Variants in IQGAP2 observed in about 807,000 individuals in gnomAD.
IQGAP2 encodes ras GTPase-activating-like protein IQGAP2.
A neutral mutation model predicts 201.3 loss-of-function variants in IQGAP2; 173 were observed. The ratio of observed to expected loss-of-function variants is 0.86; its 90% CI spans 0.76 to 0.98. The LOEUF (loss-of-function observed/expected upper bound fraction) is 0.98, where lower values mean the gene tolerates loss of function less well. Among genes scored for constraint, IQGAP2 ranks in the 50% least tolerant of loss-of-function variants. IQGAP2 has a pLI of 0.00. For missense variants in IQGAP2, 1,687 were observed against 1,864.8 expected, an observed-to-expected ratio of 0.90 and a Z score of 1.76; for synonymous variants, 675 against 673.9, an observed-to-expected ratio of 1.00 and a Z score of -0.03.
rs545584812 is a variant in IQGAP2 at position 76,536,065 on chromosome 5, C to CTTTTTTT, written c.147-26320_147-26314dup. Among the ~76,000 whole-genome samples, 9 of 123,740 alleles carry CTTTTTTT rather than the reference C, an allele frequency of 7.3e-5. 1 individual carries two copies. Among genetic ancestry groups the CTTTTTTT allele is most frequent in the South Asian group, 5.3e-4 (2 of 3,780 alleles). The allele number at this position is 123,740 out of a possible 152,430, so 81.2% of individuals were successfully genotyped here. On this transcript the variant is annotated intron_variant, in intron 2 of 35. Transcript: ENST00000274364. ...TTACCTGGCTTTCCAGGAGCATATT[C>CTTTTTTT]TTTTTTTTTTTTTTTTTGAGATGGC...
chr5:76,479,979 A>C (rs1755677052), intron 2 of IQGAP2, among the ~76,000 whole-genome samples: 1 of 152,094 alleles, frequency 6.6e-6, no homozygotes, highest in Admixed American at 6.6e-5. Context: ...ATGATGACAA[A>C]GAACAAAGGA....
At chr5:76,675,291 T>G (rs1228538391) in intron 27 of IQGAP2, among the ~76,000 whole-genome samples, 1 of 152,160 alleles carries the variant, frequency 6.6e-6, no homozygotes, top group Admixed American at 6.5e-5. Context: ...AATTTCAAAC[T>G]TGAGTATGCA....
At chr5:76,524,252 C>A (rs1371693471) in intron 2 of IQGAP2, among the ~76,000 whole-genome samples, 1 of 152,212 alleles carries the variant, frequency 6.6e-6, no homozygotes, top group African/African-American at 2.4e-5. Flanking sequence ...AGAAGCCTCA[C>A]TTCTGACCTG....
intron 23 of IQGAP2, 67 bp from the exon 24 acceptor site, chr5:76,671,689 GAAA>G (rs34357630): frequency 0.021 from 16,735 of 796,222 alleles, 1 homozygote; most frequent in Non-Finnish European, 0.022. Flanking sequence ...CTGTCTCGGG[GAAA>G]AAAAAAAAAA....
At chr5:76,703,159 G>T (rs1747567033) in intron 35 of IQGAP2, among the ~76,000 whole-genome samples, 1 of 137,930 alleles carries the variant, frequency 7.3e-6, no homozygotes, top group Non-Finnish European at 1.6e-5. Context: ...GGGGGAGGGG[G>T]TGGGGGGGGG....
chr5:76,557,965 C>G (rs1042076047), intron 2 of IQGAP2, among the ~76,000 whole-genome samples: 2 of 152,058 alleles, frequency 1.3e-5, no homozygotes, highest in African/African-American at 4.8e-5. Context: ...CATTACGATG[C>G]CTGGCTAATT....
At chr5:76,409,241 C>CTTT (rs35574851) in intron 1 of IQGAP2, among the ~76,000 whole-genome samples, 2,798 of 79,408 alleles carry the variant, frequency 0.035, 209 homozygotes, top group Non-Finnish European at 0.04. Context: ...AATACATGGG[C>CTTT]TTTTTTTTTT....
intron 2 of IQGAP2, among the ~76,000 whole-genome samples, chr5:76,482,607 A>G (rs1755853695): frequency 6.6e-6 from 1 of 152,258 alleles, no homozygotes; most frequent in Non-Finnish European, 1.5e-5. Context: ...TATAAAGGCC[A>G]GGAAGGATGT....
In IQGAP2 at chr5:76,658,433, A is replaced by G. The variant is rs769834351; in HGVS notation, c.2321-26A>G. ...TAATCATTCCAAGCTTTCCTAATTA[A>G]AGTATACCTGTTCCTGTCACTGCAG... On this transcript the variant is annotated intron_variant, in intron 20 of 35. Transcript: ENST00000274364. The G allele has an allele frequency of 5.8e-6, 9 of 1,559,636 alleles. No individual in the cohort carries two copies. In the South Asian group the frequency reaches 1.0e-4, roughly 17 times the overall value.
At chr5:76,520,052 CT>C (rs566384574) in intron 2 of IQGAP2, among the ~76,000 whole-genome samples, 102 of 145,458 alleles carry the variant, frequency 7.0e-4, no homozygotes, top group African/African-American at 1.8e-3. Flanking sequence ...TCCAATTTAT[CT>C]TTTTTTTTTT....
intron 2 of IQGAP2, among the ~76,000 whole-genome samples, chr5:76,498,452 G>A (rs1757104946): frequency 6.6e-6 from 1 of 152,174 alleles, no homozygotes; most frequent in Admixed American, 6.5e-5. Flanking sequence ...GACAGAAACA[G>A]AGCCAAGCCC....
intron 30 of IQGAP2, among the ~76,000 whole-genome samples, chr5:76,691,103 G>A (rs1026973705): frequency 4.6e-5 from 7 of 152,166 alleles, no homozygotes; most frequent in African/African-American, 1.2e-4. Flanking sequence ...GTCCGTCCCC[G>A]TCGTCCTTAA....
chr5:76,510,709 C>T, intron 2 of IQGAP2: 1 of 532,432 alleles, frequency 1.9e-6, no homozygotes, highest in South Asian at 1.4e-5. Context: ...CCAAGCTTGT[C>T]CATTTCACCC....
intron 2 of IQGAP2, among the ~76,000 whole-genome samples, chr5:76,484,321 CA>C (rs1001110097): frequency 4.1e-4 from 63 of 152,158 alleles, no homozygotes; most frequent in African/African-American, 1.3e-3. Context: ...GTCCAGCTGC[CA>C]TTGCAGATGT....
chr5:76,416,332 T>C (rs145669675), intron 1 of IQGAP2, among the ~76,000 whole-genome samples: 259 of 152,298 alleles, frequency 1.7e-3, no homozygotes, highest in Non-Finnish European at 2.7e-3. Context: ...CAAAACAAGA[T>C]AGATTAGTCT....
chr5:76,677,305 A>G lies in IQGAP2; in HGVS notation c.3615A>G (p.Lys1205=). The change falls in exon 28 of 36, where the codon AAA becomes AAG. Residue 1205 remains lysine, a synonymous_variant. Transcript: ENST00000274364. The part of the protein sequence containing the change: ...DKYTDLVTVS[K]PVIYISIEEI... The stretch of plus-strand genomic sequence containing the variant: ...ACACAGACCTGGTGACAGTCAGCAA[A>G]CCAGTCATTTATATTTCAATTGAAG... The G allele has an allele frequency of 6.2e-7, 1 of 1,613,898 alleles. No homozygotes were observed. Among genetic ancestry groups the G allele is most frequent in the South Asian group, 1.1e-5 (1 of 91,074 alleles).
At position 76,695,624 on chromosome 5, in the gene IQGAP2, A is replaced by G. The variant is rs1470422091; in HGVS notation, c.4164A>G (p.Ser1388=). Residue 1388 remains serine (S), a synonymous_variant, in exon 32 of 36, where the codon TCA becomes TCG. Coordinates refer to ENST00000274364, the MANE Select transcript of IQGAP2 (RefSeq NM_006633.5). ...LRTLEQTGHV[S]SENKYQDILN... is the part of the protein sequence containing the mutation. ...CGTTGGAACAGACTGGACACGTGTC[A>G]TCCGAAAATAAATACCAAGACATTC... 8 of 1,614,062 alleles carry G rather than the reference A, an allele frequency of 5.0e-6. No homozygotes were observed. In the East Asian group the frequency reaches 1.3e-4, roughly 27 times the overall value.
intron 1 of IQGAP2, among the ~76,000 whole-genome samples, chr5:76,434,482 A>G (rs1023400712): frequency 1.3e-5 from 2 of 152,176 alleles, no homozygotes; most frequent in African/African-American, 4.8e-5. Context: ...ACTTAGAACA[A>G]TGACCTCCAG....
At chr5:76,567,004 A>T (rs1744796794) in intron 3 of IQGAP2, among the ~76,000 whole-genome samples, 2 of 152,150 alleles carry the variant, frequency 1.3e-5, no homozygotes, top group South Asian at 4.1e-4. Context: ...TTTCAGTCTG[A>T]CAAGGTTCAA....
Sources: gnomAD v4.1 joint callset for allele counts (sites outside exome capture counted in the v4.1 genomes callset) on GRCh38, gnomAD v4.1.1 for gene constraint, MANE v1.5 for transcripts, NCBI Gene and HGNC (gene_info 2026-07-23, HGNC 2026-07-21) for gene names.